The following BRD4 variants were observed in gnomAD, a reference collection of about 807,000 sequenced individuals.
BRD4 encodes the protein bromodomain-containing protein 4.
In BRD4, 16 loss-of-function variants were observed where a neutral mutation model predicts 142.1. The observed-to-expected ratio is 0.11, with a 90% CI of 0.08 to 0.17. The LOEUF (loss-of-function observed/expected upper bound fraction) is 0.17, where lower values mean the gene tolerates loss of function less well. Among genes scored for constraint, BRD4 ranks in the 10% least tolerant of loss-of-function variants. BRD4 has a pLI of 1.00. For missense variants in BRD4, 1,424 were observed against 1,810.9 expected (o/e 0.79, Z 3.88); for synonymous variants, 833 against 707.5 (o/e 1.18, Z -2.82).
chr19:15,256,402 AG>A (rs2047409318), intron 8 of BRD4, 139 bp from the exon 9 acceptor site: 1 of 1,042,602 alleles, frequency 9.6e-7, no homozygotes, highest in South Asian at 1.6e-5. Flanking sequence ...AGGCAGGGGA[AG>A]GGAAGGCCCC....
intron 1 of BRD4, among the ~76,000 whole-genome samples, chr19:15,281,587 A>T (rs1163083412): frequency 6.6e-6 from 1 of 152,244 alleles, no homozygotes; most frequent in Non-Finnish European, 1.5e-5. Flanking sequence ...GCTCAGGTAC[A>T]GTGAAAGGAT....
chr19:15,303,133 T>A (rs10407031), intron 1 of BRD4, among the ~76,000 whole-genome samples: 1 of 151,628 alleles, frequency 6.6e-6, no homozygotes, highest in Non-Finnish European at 1.5e-5. Context: ...AAAGGAGTAA[T>A]ACACAGTCCA....
intron 1 of BRD4, among the ~76,000 whole-genome samples, chr19:15,276,939 A>G (rs1381411230): frequency 6.6e-6 from 1 of 152,168 alleles, no homozygotes; most frequent in Non-Finnish European, 1.5e-5. Context: ...GCATCTCTGA[A>G]GAAGGGACAG....
chr19:15,243,135 TG>T lies in BRD4; in HGVS notation c.2933del (p.Pro978HisfsTer90). The T allele has an allele frequency of 7.0e-6, 1 of 142,826 alleles. No individual in the cohort carries two copies. The highest frequency in any genetic ancestry group is 1.3e-4 in the Admixed American group (1 of 7,532). 8.8% of individuals were successfully genotyped at this position (142,826 alleles called of 1,614,324 possible). ...GGGGTGGAGGCTGGGGCTGGGGTGG[TG>T]GGGGTGGTGGCGGCTGCTGCTGCAG... is the stretch of plus-strand genomic sequence containing the variant. ...QQLQQQPPPPPPPQPQPPPQQ... is the reference protein window; with the variant it reads ...QQLQQQPPPPXPPQPQPPPQQ... On this transcript the variant is annotated frameshift_variant, in exon 14 of 20. Coordinates refer to ENST00000679869, the MANE Select transcript of BRD4 (RefSeq NM_001379291.1). LOFTEE classifies it high-confidence loss of function.
At position 15,239,169 on chromosome 19, in the gene BRD4, G is replaced by A. The variant is rs769576955; in HGVS notation, c.3672C>T (p.Phe1224=). 6.8e-6 allele frequency: 11 copies of A among 1,612,830 alleles called. No homozygotes were observed. Among genetic ancestry groups the A allele is most frequent in the South Asian group, 2.2e-5 (2 of 91,078 alleles). The change falls in exon 18 of 20, where the codon TTC becomes TTT. Residue 1224 remains phenylalanine, a synonymous_variant. Transcript: ENST00000679869. This position sits in a 1 kb window ranked among gnomAD's most constrained non-coding sequence, Gnocchi z 7.4. ...SSTAKSSSDS[F]EQFRRAAREK... Reference sequence around the variant, plus strand: ...CCCGAGCGGCGCGGCGGAACTGCTCGAAGCTGTCGCTGGATGACTTGGCTG... The same window carrying A: ...CCCGAGCGGCGCGGCGGAACTGCTCAAAGCTGTCGCTGGATGACTTGGCTG...
chr19:15,245,882 T>A (rs548845121), intron 11 of BRD4, among the ~76,000 whole-genome samples: 2 of 152,216 alleles, frequency 1.3e-5, no homozygotes, highest in Non-Finnish European at 2.9e-5. Context: ...GGAGGACACA[T>A]GCTTTGCCCA....
chr19:15,238,608 C>T lies in BRD4; in HGVS notation c.4020+135G>A, dbSNP rs2047212427. On this transcript the variant is annotated intron_variant, in intron 19 of 19. Coordinates refer to ENST00000679869, the MANE Select transcript of BRD4 (RefSeq NM_001379291.1). The surrounding 1 kb of genome is among the most constrained non-coding windows in gnomAD (Gnocchi z 7.2). Reference sequence around the variant, plus strand: ...AGCACTCAGGGCCCTACAGCTGAGTCCAGAGGACCACATGCCGACCAGCAG... The same window carrying T: ...AGCACTCAGGGCCCTACAGCTGAGTTCAGAGGACCACATGCCGACCAGCAG... 4.1e-6 allele frequency: 6 copies of T among 1,465,608 alleles called. No individual in the cohort carries two copies. Among genetic ancestry groups the T allele is most frequent in the Non-Finnish European group, 5.4e-6 (6 of 1,104,148 alleles). The allele number at this position is 1,465,608 out of a possible 1,614,324, so 90.8% of individuals were successfully genotyped here.
intron 11 of BRD4, among the ~76,000 whole-genome samples, chr19:15,245,299 G>A (rs2047275701): frequency 6.6e-6 from 1 of 152,124 alleles, no homozygotes; most frequent in Non-Finnish European, 1.5e-5. Context: ...CCTCCAAAGG[G>A]AAGCAGAGAG....
At position 15,236,419 on chromosome 19, in the gene BRD4, TGG is replaced by T. The variant is rs2047192356; in HGVS notation, c.*1956_*1957del. 1 of 150,984 alleles carries T rather than the reference TGG, an allele frequency of 6.6e-6. No homozygotes were observed. Among genetic ancestry groups the T allele is most frequent in the Non-Finnish European group, 1.5e-5 (1 of 67,950 alleles). 9.4% of individuals were successfully genotyped at this position (150,984 alleles called of 1,614,324 possible). Reference sequence around the variant, plus strand: ...ATGTAGACTTATATCTAAGAGTATCTGGTTAACCCTGAGCTTAAATGAAAGGA... The same window carrying T: ...ATGTAGACTTATATCTAAGAGTATCTTTAACCCTGAGCTTAAATGAAAGGA... On this transcript the variant is annotated 3_prime_UTR_variant, in exon 20 of 20. Coordinates refer to ENST00000679869, the MANE Select transcript of BRD4 (RefSeq NM_001379291.1).
chr19:15,325,107 C>A lies in BRD4; in HGVS notation c.-35+7183G>T, dbSNP rs567934083. On this transcript the variant is annotated intron_variant, in intron 1 of 19. Coordinates refer to ENST00000679869, the MANE Select transcript of BRD4 (RefSeq NM_001379291.1). ...TCACCTTGGGCAAGGACGGCAGTAGCTAACCTTGAGAGGGCACAGCACTGC... is the reference window on the plus strand; with the variant it reads ...TCACCTTGGGCAAGGACGGCAGTAGATAACCTTGAGAGGGCACAGCACTGC... 3.3e-5 allele frequency among the ~76,000 whole-genome samples: 5 copies of A among 152,274 alleles called. No homozygotes were observed. In the Middle Eastern group the frequency reaches 0.01, roughly 311 times the overall value.
chr19:15,248,516 C>G (rs1443546951), intron 11 of BRD4: 2 of 222,370 alleles, frequency 9.0e-6, no homozygotes, highest in Non-Finnish European at 1.8e-5. Context: ...CAGCCTGGTT[C>G]CAGGAGGTAC....
chr19:15,252,146 T>A (rs955192674), intron 11 of BRD4, among the ~76,000 whole-genome samples: 2 of 152,046 alleles, frequency 1.3e-5, no homozygotes, highest in African/African-American at 4.8e-5. Context: ...ACCAGGAGCA[T>A]TCCCACTCCT....
intron 5 of BRD4, 137 bp downstream of exon 5, chr19:15,265,217 A>G (rs542350084): frequency 1.1e-6 from 1 of 902,086 alleles, no homozygotes; most frequent in East Asian, 2.8e-5. Flanking sequence ...TCTGGGCTGC[A>G]ATTTCAACAC....
chr19:15,308,576 G>C (rs1399400715), intron 1 of BRD4, among the ~76,000 whole-genome samples: 1 of 149,178 alleles, frequency 6.7e-6, no homozygotes, highest in African/African-American at 2.5e-5. Context: ...AACAGAGCGA[G>C]AGTCTACCTA....
At chr19:15,321,878 C>A (rs2048064325) in intron 1 of BRD4, among the ~76,000 whole-genome samples, 2 of 152,168 alleles carry the variant, frequency 1.3e-5, no homozygotes, top group African/African-American at 4.8e-5. Context: ...CCTCACCCTA[C>A]CCCCTACAAA....
intron 1 of BRD4, among the ~76,000 whole-genome samples, chr19:15,278,363 A>G (rs1012601545): frequency 6.6e-6 from 1 of 151,738 alleles, no homozygotes; most frequent in Non-Finnish European, 1.5e-5. Context: ...GTGAAACCCC[A>G]TCTCTACTAA....
chr19:15,265,704 C>G, intron 4 of BRD4, 61 bp from the exon 5 acceptor site: 1 of 1,552,288 alleles, frequency 6.4e-7, no homozygotes. Context: ...GCTGGCTGAC[C>G]TCGTGGGGAC....
chr19:15,238,937 G>C lies in BRD4; in HGVS notation c.3826C>G (p.His1276Asp). Residue 1276 changes from histidine to aspartate, a missense_variant, in exon 19 of 20, where the codon CAT (histidine) becomes GAT (aspartate). His to Asp is a moderately conservative substitution (Grantham distance 81, BLOSUM62 -1). Coordinates refer to ENST00000679869, the MANE Select transcript of BRD4 (RefSeq NM_001379291.1). The surrounding 1 kb of genome is among the most constrained non-coding windows in gnomAD (Gnocchi z 7.2). ...TCCTGGCGCCGACGTGCCTCCTCAT[G>C]GGCCCGCCGGGCCTGCTCCAGCGCA... ...EDALEQARRAHEEARRRQEQQ... is the reference protein window; with the variant it reads ...EDALEQARRADEEARRRQEQQ... 6.3e-7 allele frequency: 1 copy of C among 1,597,044 alleles called. No homozygotes were observed. The highest frequency in any genetic ancestry group is 8.5e-7 in the Non-Finnish European group (1 of 1,174,206).
intron 11 of BRD4, among the ~76,000 whole-genome samples, chr19:15,246,849 A>C (rs1457727917): frequency 6.6e-6 from 1 of 152,118 alleles, no homozygotes; most frequent in Admixed American, 6.5e-5. Flanking sequence ...GGGGGAGAGA[A>C]GGCGGCATGT....
Sources: allele counts gnomAD v4.1 joint callset (sites outside exome capture counted in the v4.1 genomes callset), GRCh38; gene constraint gnomAD v4.1.1; non-coding constraint Gnocchi (gnomAD v3.1); transcripts MANE v1.5; gene names NCBI Gene and HGNC (gene_info 2026-07-23, HGNC 2026-07-21).